The following ASIC2 variants were observed in gnomAD, a reference collection of about 807,000 sequenced individuals.
ASIC2 encodes the protein acid-sensing ion channel 2.
In ASIC2, 25 loss-of-function variants were observed where a neutral mutation model predicts 57.3. The observed-to-expected ratio is 0.44, with a 90% CI of 0.32 to 0.61. The LOEUF is 0.61. Ranked by LOEUF, ASIC2 falls within the 20% of genes least tolerant of loss-of-function variation. The probability of loss-of-function intolerance (pLI) is 0.06; values close to 1 mark genes in which losing one functional copy is unlikely to be tolerated. For synonymous variants in ASIC2, 319 were observed against 307.5 expected, an observed-to-expected ratio of 1.04 and a Z score of -0.39; for missense variants, 641 against 738.1, an observed-to-expected ratio of 0.87 and a Z score of 1.52.
intron 1 of ASIC2, among the ~76,000 whole-genome samples, chr17:33,681,881 T>C (rs1355539710): frequency 3.3e-5 from 5 of 152,170 alleles, no homozygotes; most frequent in Non-Finnish European, 5.9e-5. Flanking sequence ...CTGACATCTC[T>C]AGTGTCGTCT....
chr17:33,024,982 C>T (rs1567719758), intron 5 of ASIC2, among the ~76,000 whole-genome samples: 1 of 152,122 alleles, frequency 6.6e-6, no homozygotes. Flanking sequence ...TTTTCTTTAA[C>T]ACCTCCCTCC....
intron 1 of ASIC2, among the ~76,000 whole-genome samples, chr17:33,526,788 C>T (rs1016703778): frequency 6.6e-6 from 1 of 152,148 alleles, no homozygotes; most frequent in Non-Finnish European, 1.5e-5. Flanking sequence ...CCAGAAAACC[C>T]CAGATTCCCC....
chr17:33,557,576 G>A (rs1915945640), intron 1 of ASIC2, among the ~76,000 whole-genome samples: 1 of 152,288 alleles, frequency 6.6e-6, no homozygotes, highest in South Asian at 2.1e-4. Context: ...GGTGGAAGGA[G>A]GAGTGTTAGA....
chr17:33,641,371 A>G (rs571631606), intron 1 of ASIC2, among the ~76,000 whole-genome samples: 1 of 152,302 alleles, frequency 6.6e-6, no homozygotes, highest in African/African-American at 2.4e-5. Context: ...ATATACTATA[A>G]GCTCTGTTCT....
chr17:33,585,707 C>G (rs993523454), intron 1 of ASIC2, among the ~76,000 whole-genome samples: 1 of 152,158 alleles, frequency 6.6e-6, no homozygotes, highest in African/African-American at 2.4e-5. Context: ...GATTTCTTAT[C>G]CTTTTTTGTT....
chr17:34,116,370 G>A (rs1239299699), intron 1 of ASIC2, among the ~76,000 whole-genome samples: 1 of 152,140 alleles, frequency 6.6e-6, no homozygotes, highest in East Asian at 1.9e-4. Context: ...ACAGGGCTGG[G>A]AATTTACTTC....
chr17:33,426,470 G>T (rs921108149), intron 1 of ASIC2, among the ~76,000 whole-genome samples: 1 of 152,214 alleles, frequency 6.6e-6, no homozygotes, highest in African/African-American at 2.4e-5. Context: ...TGGCTGTTTC[G>T]TTGGTGGGGA....
At chr17:33,577,504 G>C (rs1307053163) in intron 1 of ASIC2, among the ~76,000 whole-genome samples, 1 of 152,100 alleles carries the variant, frequency 6.6e-6, no homozygotes, top group Admixed American at 6.5e-5. Flanking sequence ...TGGTTCTCTA[G>C]ACCCAGTGCT....
At chr17:33,863,624 A>G (rs1914150957) in intron 1 of ASIC2, among the ~76,000 whole-genome samples, 2 of 152,232 alleles carry the variant, frequency 1.3e-5, no homozygotes, top group African/African-American at 4.8e-5. Flanking sequence ...AGGACTTGCA[A>G]GATAATCCGG....
At chr17:33,322,213 C>A (rs907368506) in intron 1 of ASIC2, among the ~76,000 whole-genome samples, 19 of 152,218 alleles carry the variant, frequency 1.2e-4, no homozygotes, top group Non-Finnish European at 7.3e-5. Context: ...GAGACTGAGG[C>A]AGGCTGAAAG....
At position 33,291,588 on chromosome 17, in the gene ASIC2, C is replaced by G. The variant is rs1268515211; in HGVS notation, c.528G>C (p.Arg176=). 1 of 1,608,692 alleles carries G rather than the reference C, an allele frequency of 6.2e-7. No homozygotes were observed. Among genetic ancestry groups the G allele is most frequent in the Non-Finnish European group, 8.5e-7 (1 of 1,178,504 alleles). ...ACCACTGGCGGCGCGGCTCGTCGCC[C>G]CGCAGCAGCTCGCTGACAAGCGGGC... The part of the protein sequence containing the change: ...TARPLVSELL[R]GDEPRRQWFR... The change falls in exon 1 of 10, where the codon CGG becomes CGC. Residue 176 remains arginine (R), a synonymous_variant. Coordinates refer to ENST00000225823, the MANE Select transcript of ASIC2 (RefSeq NM_183377.2).
chr17:33,577,179 A>G (rs1036024733), intron 1 of ASIC2, among the ~76,000 whole-genome samples: 2 of 152,116 alleles, frequency 1.3e-5, no homozygotes, highest in Non-Finnish European at 2.9e-5. Context: ...GTGCTGTGTG[A>G]TTTATACACA....
chr17:33,301,048 AAATG>A (rs1905938651), intron 1 of ASIC2, among the ~76,000 whole-genome samples: 3 of 152,026 alleles, frequency 2.0e-5, no homozygotes, highest in African/African-American at 7.2e-5. Flanking sequence ...TAGAAAAAAA[AAATG>A]ATGTCTCACT....
chr17:33,912,362 G>A (rs1429175583), intron 1 of ASIC2, among the ~76,000 whole-genome samples: 3 of 146,656 alleles, frequency 2.0e-5, no homozygotes, highest in East Asian at 4.2e-4. Context: ...GCATGGTGGC[G>A]CACACCTGTA....
chr17:33,393,119 G>C (rs1245368097), intron 1 of ASIC2, among the ~76,000 whole-genome samples: 1 of 152,064 alleles, frequency 6.6e-6, no homozygotes, highest in South Asian at 2.1e-4. Context: ...TCATTCTGAT[G>C]ATTTCTATTC....
intron 1 of ASIC2, among the ~76,000 whole-genome samples, chr17:33,971,216 G>A (rs762226058): frequency 4.6e-5 from 7 of 152,066 alleles, no homozygotes; most frequent in African/African-American, 9.7e-5. Flanking sequence ...CTGTGCTAGC[G>A]GCACACCAGC....
chr17:33,382,698 G>A (rs954712031), intron 1 of ASIC2, among the ~76,000 whole-genome samples: 9 of 152,188 alleles, frequency 5.9e-5, no homozygotes, highest in Non-Finnish European at 2.9e-5. Context: ...GGATCAGAGA[G>A]GCTAAGGAGC....
chr17:33,969,025 A>T (rs1013715410), intron 1 of ASIC2, among the ~76,000 whole-genome samples: 1 of 152,130 alleles, frequency 6.6e-6, no homozygotes, highest in Admixed American at 6.5e-5. Flanking sequence ...AGTGAGTTTT[A>T]AAAAAACACA....
intron 1 of ASIC2, among the ~76,000 whole-genome samples, chr17:33,132,646 A>T (rs1432706713): frequency 6.6e-6 from 1 of 152,164 alleles, no homozygotes; most frequent in Non-Finnish European, 1.5e-5. Context: ...GTAGAGTCCA[A>T]TTTCCTGGGT....
Sources: gnomAD v4.1 joint callset for allele counts (sites outside exome capture counted in the v4.1 genomes callset) on GRCh38, gnomAD v4.1.1 for gene constraint, MANE v1.5 for transcripts, NCBI Gene and HGNC (gene_info 2026-07-23, HGNC 2026-07-21) for gene names.